The following ZKSCAN4 variants were observed in gnomAD, a reference collection of about 807,000 sequenced individuals.
ZKSCAN4 encodes zinc finger protein with KRAB and SCAN domains 4.
ZKSCAN4 carries 23 observed loss-of-function variants against 30.8 expected under a neutral mutation model. The ratio of observed to expected loss-of-function variants is 0.75; its 90% confidence interval spans 0.54 to 1.06. The LOEUF (loss-of-function observed/expected upper bound fraction) is 1.06, where lower values mean the gene tolerates loss of function less well. Among genes scored for constraint, ZKSCAN4 ranks in the 50% least tolerant of loss-of-function variants. The pLI is 0.00. For synonymous variants in ZKSCAN4, 208 were observed against 252.5 expected (o/e 0.82, Z 1.67); for missense variants, 556 against 665.4 (o/e 0.84, Z 1.81).
the ZKSCAN4 span, among the ~76,000 whole-genome samples, chr6:28,257,540 C>G: frequency 6.6e-6 from 1 of 151,958 alleles, no homozygotes; most frequent in South Asian, 2.1e-4. Context: ...TATCCCAGAA[C>G]TTATAATAAA....
rs1760567843 is a variant in ZKSCAN4 at position 28,243,357 on chromosome 6, C to G, written c.*1759G>C. On this transcript the variant is annotated 3_prime_UTR_variant, in exon 5 of 5. Transcript: ENST00000377294. The stretch of plus-strand genomic sequence containing the variant: ...TCCAGAAAGGGTATTTGAGGATAGA[C>G]AAGAACACGATGCTGGTGACTGAAT... 6.6e-6 allele frequency among the ~76,000 whole-genome samples: 1 copy of G among 152,128 alleles called. No individual in the cohort carries two copies. The highest frequency in any genetic ancestry group is 1.5e-5 in the Non-Finnish European group (1 of 68,014).
At chr6:28,253,092 ATGT>A (rs1480488613), upstream of ZKSCAN4, among the ~76,000 whole-genome samples, 1 of 152,186 alleles carries the variant, frequency 6.6e-6, no homozygotes, top group Non-Finnish European at 1.5e-5. The surrounding 1 kb of genome is among the most constrained non-coding windows in gnomAD (Gnocchi z 4.2). Flanking sequence ...GGATTAGATA[ATGT>A]TGTGAGCACT....
rs980616828 is a variant in ZKSCAN4, at chr6:28,251,331, G to A, written c.423+227C>T. ...ATACAAATTTAATTCTTTGCTAACT[G>A]TATGTCAATATAGTTGTGTTCTTTT... On this transcript the variant is annotated intron_variant, in intron 1 of 4. Coordinates refer to ENST00000377294, the MANE Select transcript of ZKSCAN4 (RefSeq NM_019110.5). The surrounding 1 kb of genome is among the most constrained non-coding windows in gnomAD (Gnocchi z 4.5). 3.0e-6 allele frequency: 2 copies of A among 665,678 alleles called. No homozygotes were observed. Among genetic ancestry groups the A allele is most frequent in the East Asian group, 5.9e-5 (2 of 33,860 alleles). 41.2% of individuals were successfully genotyped at this position (665,678 alleles called of 1,614,324 possible).
the ZKSCAN4 span, among the ~76,000 whole-genome samples, chr6:28,257,853 A>G: frequency 6.6e-6 from 1 of 152,226 alleles, no homozygotes; most frequent in African/African-American, 2.4e-5. Flanking sequence ...AGTCTACATC[A>G]GATACTAAAT....
At chr6:28,250,462 C>T (rs1760945420) in intron 1 of ZKSCAN4, among the ~76,000 whole-genome samples, 1 of 152,162 alleles carries the variant, frequency 6.6e-6, no homozygotes, top group Non-Finnish European at 1.5e-5. Flanking sequence ...CTCCAGATCC[C>T]GTGTTCTTAC....
chr6:28,252,202 G>A lies in ZKSCAN4; in HGVS notation c.-222C>T, dbSNP rs1761036837. The A allele has an allele frequency of 2.5e-6, 1 of 407,504 alleles. No individual in the cohort carries two copies. The highest frequency in any genetic ancestry group is 4.3e-6 in the Non-Finnish European group (1 of 231,164). 25.2% of individuals were successfully genotyped at this position (407,504 alleles called of 1,614,324 possible). On this transcript the variant is annotated 5_prime_UTR_variant, in exon 1 of 5. Transcript: ENST00000377294. Reference sequence around the variant, plus strand: ...CACCCCACTCTGAATCCCACAGTAAGTATCACCAAAGGATGTCTTTGGGAG... The same window carrying A: ...CACCCCACTCTGAATCCCACAGTAAATATCACCAAAGGATGTCTTTGGGAG...
chr6:28,256,108 T>G (rs1272244322), upstream of ZKSCAN4, among the ~76,000 whole-genome samples: 2 of 152,162 alleles, frequency 1.3e-5, no homozygotes, highest in Non-Finnish European at 2.9e-5. Context: ...AACTTTTCTG[T>G]AGGTTTGAAA....
chr6:28,250,229 G>A (rs1407408001), intron 1 of ZKSCAN4, among the ~76,000 whole-genome samples: 4 of 152,068 alleles, frequency 2.6e-5, no homozygotes, highest in African/African-American at 7.2e-5. Context: ...CACCACGCCC[G>A]GCTAATGTTT....
rs1477314178 is a variant in ZKSCAN4 at position 28,248,077 on chromosome 6, G to A, written c.644C>T (p.Pro215Leu). Residue 215 changes from proline (P) to leucine (L), a missense_variant, in exon 3 of 5, where the codon CCA (proline) becomes CTA (leucine). Coordinates refer to ENST00000377294, the MANE Select transcript of ZKSCAN4 (RefSeq NM_019110.5). ...GGAGCTCCAGCTCACCTGGGACCCT[G>A]GAGTGAGCCTGGAAGCTACCATTGC... Reference protein sequence around the residue: ...EDAMVASRLTPGSQGLLKMED... With the variant: ...EDAMVASRLTLGSQGLLKMED... 1 of 1,612,636 alleles carries A rather than the reference G, an allele frequency of 6.2e-7. No individual in the cohort carries two copies.
At chr6:28,246,844 G>T (rs1760755549) in intron 4 of ZKSCAN4, 125 bp downstream of exon 4, 14 of 1,189,386 alleles carry the variant, frequency 1.2e-5, no homozygotes, top group East Asian at 7.6e-5. Flanking sequence ...TCAGTAACAG[G>T]CTTTCAGGAA....
At chr6:28,250,059 G>A (rs930730881) in intron 1 of ZKSCAN4, among the ~76,000 whole-genome samples, 1 of 149,584 alleles carries the variant, frequency 6.7e-6, no homozygotes, top group Admixed American at 6.7e-5. Flanking sequence ...TTTTGTTGTT[G>A]TTGGTTTTTT....
rs1011201924 is a variant in ZKSCAN4 at position 28,243,839 on chromosome 6, A to G, written c.*1277T>C. Reference sequence around the variant, plus strand: ...GTCACCATGCCTGGCTAATTTTTGTATTTTTTGTAGAGATGGGGTTTCACC... The same window carrying G: ...GTCACCATGCCTGGCTAATTTTTGTGTTTTTTGTAGAGATGGGGTTTCACC... On this transcript the variant is annotated 3_prime_UTR_variant, in exon 5 of 5. Transcript: ENST00000377294. 3.3e-5 allele frequency among the ~76,000 whole-genome samples: 5 copies of G among 151,696 alleles called. No homozygotes were observed. The highest frequency in any genetic ancestry group is 1.2e-4 in the African/African-American group (5 of 41,282).
chr6:28,257,524 C>A, the ZKSCAN4 span, among the ~76,000 whole-genome samples: 1 of 152,214 alleles, frequency 6.6e-6, no homozygotes, highest in Non-Finnish European at 1.5e-5. Flanking sequence ...GCATGTTCTA[C>A]ACATGTATCC....
In ZKSCAN4 at chr6:28,251,342, T is replaced by C; in HGVS notation, c.423+216A>G. On this transcript the variant is annotated intron_variant, in intron 1 of 4. Transcript: ENST00000377294. The surrounding 1 kb of genome is among the most constrained non-coding windows in gnomAD (Gnocchi z 4.5). ...ATTCTTTGCTAACTGTATGTCAATA[T>C]AGTTGTGTTCTTTTGTAATCCTTTA... The C allele has an allele frequency of 1.4e-6, 1 of 720,436 alleles. No individual in the cohort carries two copies. The highest frequency in any genetic ancestry group is 2.3e-6 in the Non-Finnish European group (1 of 439,874). 44.6% of individuals were successfully genotyped at this position (720,436 alleles called of 1,614,324 possible).
upstream of ZKSCAN4, among the ~76,000 whole-genome samples, chr6:28,256,615 T>TA (rs568324682): frequency 8.6e-4 from 131 of 152,396 alleles, 5 homozygotes; most frequent in East Asian, 0.017. Flanking sequence ...CCTATTTTCT[T>TA]AAAGTTCTTC....
Position 28,245,966 on chromosome 6 carries a change from A to T in ZKSCAN4, c.788T>A (p.Ile263Lys), listed in dbSNP as rs1414869849. The change falls in exon 5 of 5, where the codon ATA (isoleucine) becomes AAA (lysine). Residue 263 changes from isoleucine to lysine, a missense_variant. Ile to Lys is a moderately radical substitution (Grantham distance 102). Transcript: ENST00000377294. ...HSSLVSLGGE[I>K]QTKSRDLPPV... Reference sequence around the variant, plus strand: ...AGGCAAGTCCCTGCTCTTAGTCTGTATTTCACCACCTGAAACAACAAATGG... The same window carrying T: ...AGGCAAGTCCCTGCTCTTAGTCTGTTTTTCACCACCTGAAACAACAAATGG... 1.1e-5 allele frequency: 18 copies of T among 1,613,960 alleles called. No individual in the cohort carries two copies. Among genetic ancestry groups the T allele is most frequent in the Non-Finnish European group, 1.4e-5 (17 of 1,180,026 alleles).
chr6:28,248,610 C>A (rs1189223003), intron 2 of ZKSCAN4, among the ~76,000 whole-genome samples: 1 of 151,902 alleles, frequency 6.6e-6, no homozygotes, highest in Non-Finnish European at 1.5e-5. Flanking sequence ...AGGTGGGTTG[C>A]CTGAGTTCCG....
At chr6:28,258,766 T>C in the ZKSCAN4 span, among the ~76,000 whole-genome samples, 3 of 20,214 alleles carry the variant, frequency 1.5e-4, no homozygotes, top group South Asian at 0.01. Context: ...AGATCCTGTC[T>C]CCAAAAAAAA....
chr6:28,249,835 C>A lies in ZKSCAN4; in HGVS notation c.424-1G>T. ...CTTGCCCCTGGTCACCAACGGGAAC[C>A]TAGAAGTCACGATTTTTAGTTATCT... On this transcript the variant is annotated splice_acceptor_variant, in intron 1 of 4. Transcript: ENST00000377294. LOFTEE classifies it high-confidence loss of function. This position sits in a 1 kb window ranked among gnomAD's most constrained non-coding sequence, Gnocchi z 4.1. 6.2e-7 allele frequency: 1 copy of A among 1,612,212 alleles called. No homozygotes were observed. Among genetic ancestry groups the A allele is most frequent in the Non-Finnish European group, 8.5e-7 (1 of 1,179,524 alleles).
Sources: gnomAD v4.1 joint callset for allele counts (sites outside exome capture counted in the v4.1 genomes callset) on GRCh38, gnomAD v4.1.1 for gene constraint, Gnocchi (gnomAD v3.1) non-coding constraint, MANE v1.5 for transcripts, NCBI Gene and HGNC (gene_info 2026-07-23, HGNC 2026-07-21) for gene names.